Variants in ASIC2 observed in about 807,000 individuals in gnomAD.
The protein encoded by ASIC2 is acid sensing ion channel subunit 2.
ASIC2 carries 25 observed loss-of-function variants against 57.3 expected under a neutral mutation model. The ratio of observed to expected loss-of-function variants is 0.44; its 90% CI spans 0.32 to 0.61. The LOEUF is 0.61. ASIC2 is among the 20% of genes least tolerant of loss of function. The pLI is 0.06. For synonymous variants in ASIC2, 319 were observed against 307.5 expected (o/e 1.04, Z -0.39); for missense variants, 641 against 738.1 (o/e 0.87, Z 1.52).
At chr17:33,365,126 G>T (rs1243731645) in intron 1 of ASIC2, among the ~76,000 whole-genome samples, 1 of 152,102 alleles carries the variant, frequency 6.6e-6, no homozygotes, top group Non-Finnish European at 1.5e-5. Context: ...AAACATGCTT[G>T]GATGTCTCCA....
At chr17:33,516,377 T>C (rs1023555557) in intron 1 of ASIC2, among the ~76,000 whole-genome samples, 1 of 146,206 alleles carries the variant, frequency 6.8e-6, no homozygotes, top group Non-Finnish European at 1.5e-5. Context: ...TGAGTGTGAA[T>C]GTGTGTTTGT....
At chr17:33,941,186 C>G (rs1916185014) in intron 1 of ASIC2, among the ~76,000 whole-genome samples, 1 of 152,182 alleles carries the variant, frequency 6.6e-6, no homozygotes, top group African/African-American at 2.4e-5. Flanking sequence ...GCCAGACGAG[C>G]CTCCAGCCCT....
At chr17:33,230,200 G>A (rs1335879591) in intron 1 of ASIC2, among the ~76,000 whole-genome samples, 3 of 152,246 alleles carry the variant, frequency 2.0e-5, no homozygotes, top group Non-Finnish European at 4.4e-5. Context: ...AAGCCCCCAT[G>A]GGGCTAAAAG....
intron 1 of ASIC2, among the ~76,000 whole-genome samples, chr17:34,040,776 A>T (rs1394325027): frequency 1.3e-5 from 2 of 152,158 alleles, no homozygotes; most frequent in Non-Finnish European, 1.5e-5. Flanking sequence ...GCCAGTTCCT[A>T]TTATTACTGA....
intron 1 of ASIC2, among the ~76,000 whole-genome samples, chr17:33,312,240 T>C (rs1471894247): frequency 6.6e-6 from 1 of 152,208 alleles, no homozygotes; most frequent in Non-Finnish European, 1.5e-5. Context: ...TGGTGTATAG[T>C]AAACAAGCTT....
chr17:33,998,849 A>G (rs1337549166), intron 1 of ASIC2, among the ~76,000 whole-genome samples: 4 of 152,128 alleles, frequency 2.6e-5, no homozygotes, highest in Non-Finnish European at 5.9e-5. Context: ...TGCTACTGTC[A>G]GATGGAATGT....
chr17:33,827,337 C>CCTTTTTTTTTTTTTTTTTTTTTTTT (rs1912954044), intron 1 of ASIC2, among the ~76,000 whole-genome samples: 1 of 76,536 alleles, frequency 1.3e-5, no homozygotes, highest in Non-Finnish European at 2.6e-5. Flanking sequence ...GCAGCTCACT[C>CCTTTTTTTTTTTTTTTTTTTTTTTT]TTTTTTTTTT....
chr17:33,181,027 C>T (rs1405421738), intron 1 of ASIC2, among the ~76,000 whole-genome samples: 4 of 152,122 alleles, frequency 2.6e-5, no homozygotes, highest in Non-Finnish European at 5.9e-5. Flanking sequence ...AAATAAAAAC[C>T]TCTTTGTTGA....
At chr17:33,873,808 G>A (rs946657402) in intron 1 of ASIC2, among the ~76,000 whole-genome samples, 3 of 152,120 alleles carry the variant, frequency 2.0e-5, no homozygotes, top group Admixed American at 1.3e-4. Context: ...ATGCCCGACC[G>A]TTTTGGTGCC....
chr17:33,972,111 A>C (rs1416713066), intron 1 of ASIC2, among the ~76,000 whole-genome samples: 1 of 152,238 alleles, frequency 6.6e-6, no homozygotes, highest in Non-Finnish European at 1.5e-5. Flanking sequence ...GTTGGGAACA[A>C]CTATAAACTA....
chr17:33,356,832 G>A (rs1426492093), intron 1 of ASIC2, among the ~76,000 whole-genome samples: 2 of 151,974 alleles, frequency 1.3e-5, no homozygotes, highest in Admixed American at 6.5e-5. Flanking sequence ...GGGATCCAAG[G>A]GGATGCTGGG....
At chr17:33,856,576 T>TAGTAG (rs1379667109) in intron 1 of ASIC2, among the ~76,000 whole-genome samples, 1 of 15,458 alleles carries the variant, frequency 6.5e-5, no homozygotes, top group South Asian at 3.4e-3. Context: ...GGTGGTGCTG[T>TAGTAG]TGGCTGTAGT....
At chr17:34,095,720 T>G (rs9909199) in intron 1 of ASIC2, among the ~76,000 whole-genome samples, 25,299 of 141,830 alleles carry the variant, frequency 0.18, 2,834 homozygotes, top group African/African-American at 0.32. Flanking sequence ...ATTTTATATA[T>G]AGAGAGATAT....
At chr17:33,992,740 G>T (rs1427461846) in intron 1 of ASIC2, among the ~76,000 whole-genome samples, 2 of 152,116 alleles carry the variant, frequency 1.3e-5, no homozygotes, top group African/African-American at 2.4e-5. Flanking sequence ...TTCCCACAGC[G>T]CTGGTTGTTA....
At chr17:33,304,473 A>G (rs1906088604) in intron 1 of ASIC2, among the ~76,000 whole-genome samples, 1 of 152,220 alleles carries the variant, frequency 6.6e-6, no homozygotes, top group African/African-American at 2.4e-5. Context: ...AATAGGGGCC[A>G]CTGCATCCTC....
Position 33,621,718 on chromosome 17 carries a change from T to G in ASIC2, c.556-509651A>C, listed in dbSNP as rs1905806411. On this transcript the variant is annotated intron_variant, in intron 1 of 9. Coordinates refer to the ASIC2 transcript ENST00000359872. ...TTTCTGAACAGCACAAAGATGCAGT[T>G]CCTGGGGGCCTCTGTCACCAAAATG... Among the ~76,000 whole-genome samples, 3 of 152,204 alleles carry G rather than the reference T, an allele frequency of 2.0e-5. No individual in the cohort carries two copies. The South Asian group carries it at 6.2e-4, about 31-fold the overall frequency.
At position 34,155,659 on chromosome 17, in the gene ASIC2, G is replaced by C. The variant is rs1009372486; in HGVS notation, c.555+319C>G. ...CAATCACACAGCTCGGACACCAAGC[G>C]GACCGGACAACGGACAGCCCAGGCC... On this transcript the variant is annotated intron_variant, in intron 1 of 9. Transcript: ENST00000359872. 2.5e-5 allele frequency: 8 copies of C among 325,986 alleles called. No individual in the cohort carries two copies. In the Admixed American group the frequency reaches 3.3e-4, roughly 13 times the overall value. 20.2% of individuals were successfully genotyped at this position (325,986 alleles called of 1,614,324 possible).
At chr17:33,064,452 T>A (rs8071961) in intron 3 of ASIC2, among the ~76,000 whole-genome samples, 2 of 152,164 alleles carry the variant, frequency 1.3e-5, no homozygotes, top group South Asian at 4.1e-4. Context: ...CTGGGTAATC[T>A]TCAATACCTG....
intron 3 of ASIC2, among the ~76,000 whole-genome samples, chr17:33,083,560 A>C (rs970244668): frequency 1.3e-5 from 2 of 152,236 alleles, no homozygotes; most frequent in African/African-American, 4.8e-5. Context: ...ATAAGACAGC[A>C]AAGTCTTCTT....
Sources: allele counts gnomAD v4.1 joint callset (sites outside exome capture counted in the v4.1 genomes callset), GRCh38; gene constraint gnomAD v4.1.1; transcripts MANE v1.5; gene names NCBI Gene and HGNC (gene_info 2026-07-23, HGNC 2026-07-21).